The following NUCKS1 variants were observed in gnomAD, a reference collection of about 807,000 sequenced individuals.
NUCKS1 encodes the protein nuclear casein kinase and cyclin dependent kinase substrate 1, also known as nuclear ubiquitous casein and cyclin-dependent kinase substrate 1.
In NUCKS1, 2 loss-of-function variants were observed where a neutral mutation model predicts 33.0. That is an observed-to-expected ratio of 0.06 (90% CI 0.02 to 0.19). The LOEUF (loss-of-function observed/expected upper bound fraction) is 0.19, where lower values mean the gene tolerates loss of function less well. NUCKS1 is among the 10% of genes least tolerant of loss of function. The pLI, the probability that NUCKS1 is intolerant of heterozygous loss-of-function variation, is 1.00. For missense variants in NUCKS1, 201 were observed against 293.6 expected, an observed-to-expected ratio of 0.68 and a Z score of 2.31; for synonymous variants, 106 against 102.8, an observed-to-expected ratio of 1.03 and a Z score of -0.19.
rs746939778 is a variant in NUCKS1, at chr1:205,750,051, C to A, written c.-78G>T. 1.7e-5 allele frequency: 22 copies of A among 1,264,634 alleles called. No individual in the cohort carries two copies. The highest frequency in any genetic ancestry group is 3.2e-5 in the African/African-American group (2 of 62,536). The allele number at this position is 1,264,634 out of a possible 1,614,324, so 78.3% of individuals were successfully genotyped here. On this transcript the variant is annotated 5_prime_UTR_variant, in exon 1 of 7. Transcript: ENST00000367142. ...CACCCCGCGCGCTCGGCGCCCCACC[C>A]CCCCCGAACTTCAGCCGATGGGACC...
chr1:205,729,063 A>C (rs1653847129), intron 2 of NUCKS1, among the ~76,000 whole-genome samples: 1 of 151,876 alleles, frequency 6.6e-6, no homozygotes, highest in Non-Finnish European at 1.5e-5. Context: ...CCGCCTCCCG[A>C]GTTCAAGCGA....
Position 205,727,691 on chromosome 1 carries a change from G to C in NUCKS1, c.173+9C>G. 1 of 1,563,904 alleles carries C rather than the reference G, an allele frequency of 6.4e-7. No individual in the cohort carries two copies. The highest frequency in any genetic ancestry group is 8.8e-7 in the Non-Finnish European group (1 of 1,134,470). On this transcript the variant is annotated intron_variant, in intron 3 of 6. Coordinates refer to ENST00000367142, the MANE Select transcript of NUCKS1 (RefSeq NM_022731.5). The stretch of plus-strand genomic sequence containing the variant: ...GTGTAAGCAGGAACAGAAAAACAAT[G>C]CCTCTTACCTATCTTCCTGTGAATT...
Position 205,717,559 on chromosome 1 carries a change from C to A in NUCKS1, c.*721G>T. 2.0e-6 allele frequency: 2 copies of A among 983,944 alleles called. No individual in the cohort carries two copies. The highest frequency in any genetic ancestry group is 2.4e-6 in the Non-Finnish European group (2 of 829,892). 61.0% of individuals were successfully genotyped at this position (983,944 alleles called of 1,614,324 possible). A position where few individuals can be genotyped will look rare whatever the true frequency, so the allele number is the denominator to read the frequency against. On this transcript the variant is annotated 3_prime_UTR_variant, in exon 7 of 7. Transcript: ENST00000367142. ...GATAAAAGGATCACTGGCTCCGAGT[C>A]TCTTTGAGATAACAAGTGATGAAAT...
intron 1 of NUCKS1, among the ~76,000 whole-genome samples, chr1:205,735,313 T>C (rs772041429): frequency 1.3e-5 from 2 of 152,238 alleles, no homozygotes; most frequent in African/African-American, 2.4e-5. Flanking sequence ...TAACATGCTA[T>C]ACATGTTTGT....
chr1:205,730,725 C>T (rs762351464), intron 1 of NUCKS1, among the ~76,000 whole-genome samples: 87 of 151,416 alleles, frequency 5.7e-4, no homozygotes, highest in Non-Finnish European at 8.9e-4. Context: ...TCTCGTGATC[C>T]GCCCGTCTTG....
chr1:205,747,370 G>A (rs1654358308), intron 1 of NUCKS1, among the ~76,000 whole-genome samples: 1 of 152,264 alleles, frequency 6.6e-6, no homozygotes, highest in Non-Finnish European at 1.5e-5. Flanking sequence ...AAATATTTGA[G>A]CTCTCATTTA....
chr1:205,718,000 G>A lies in NUCKS1; in HGVS notation c.*280C>T. The A allele has an allele frequency of 4.7e-6, 5 of 1,073,730 alleles. No individual in the cohort carries two copies. The highest frequency in any genetic ancestry group is 5.6e-6 in the Non-Finnish European group (5 of 889,684). 66.5% of individuals were successfully genotyped at this position (1,073,730 alleles called of 1,614,324 possible). A position where few individuals can be genotyped will look rare whatever the true frequency, so the allele number is the denominator to read the frequency against. Reference sequence around the variant, plus strand: ...TCAATCCAGTGATTAATTTGACATGGCTTTCATTGGGAAAGGGGAGGGCTG... The same window carrying A: ...TCAATCCAGTGATTAATTTGACATGACTTTCATTGGGAAAGGGGAGGGCTG... On this transcript the variant is annotated 3_prime_UTR_variant, in exon 7 of 7. Transcript: ENST00000367142.
At chr1:205,727,326 G>C (rs1359622115) in intron 3 of NUCKS1, among the ~76,000 whole-genome samples, 1 of 151,944 alleles carries the variant, frequency 6.6e-6, no homozygotes, top group East Asian at 1.9e-4. Context: ...TAAAACTAAG[G>C]GAAAAGAAAC....
At chr1:205,732,458 T>C (rs1230690163) in intron 1 of NUCKS1, among the ~76,000 whole-genome samples, 1 of 152,104 alleles carries the variant, frequency 6.6e-6, no homozygotes, top group East Asian at 1.9e-4. Context: ...CAATGTCAAG[T>C]ACTTAACAAT....
chr1:205,724,789 T>C (rs1312779159), intron 3 of NUCKS1, among the ~76,000 whole-genome samples: 1 of 152,114 alleles, frequency 6.6e-6, no homozygotes, highest in Non-Finnish European at 1.5e-5. Flanking sequence ...AATAAATTGA[T>C]TGAATTATCC....
intron 3 of NUCKS1, 175 bp from the exon 4 acceptor site, chr1:205,724,156 A>C: frequency 3.1e-6 from 2 of 647,128 alleles, no homozygotes; most frequent in South Asian, 3.4e-5. Flanking sequence ...CTGGTGAATA[A>C]GCACAATTTT....
At chr1:205,735,255 T>C (rs1258460642) in intron 1 of NUCKS1, among the ~76,000 whole-genome samples, 1 of 152,242 alleles carries the variant, frequency 6.6e-6, no homozygotes, top group Non-Finnish European at 1.5e-5. Flanking sequence ...TGTTTAGATA[T>C]ATAAATACCT....
chr1:205,739,700 C>T (rs1654117583), intron 1 of NUCKS1, among the ~76,000 whole-genome samples: 2 of 152,202 alleles, frequency 1.3e-5, no homozygotes, highest in Admixed American at 6.5e-5. Context: ...AAGCAATCTT[C>T]TGCCTCAGCC....
chr1:205,745,028 G>C (rs1654282507), intron 1 of NUCKS1, among the ~76,000 whole-genome samples: 1 of 152,096 alleles, frequency 6.6e-6, no homozygotes, highest in African/African-American at 2.4e-5. Context: ...TACCTTTTGG[G>C]AATTCCACAT....
Position 205,719,686 on chromosome 1 carries a change from A to G in NUCKS1, c.383-10T>C. On this transcript the variant is annotated splice_polypyrimidine_tract_variant and intron_variant, in intron 5 of 6. Coordinates refer to ENST00000367142, the MANE Select transcript of NUCKS1 (RefSeq NM_022731.5). ...TCGCTGCCGGAATCTTCTGAGAAGAAAGAAGAATTTCAACATCTAACTTAA... is the reference window on the plus strand; with the variant it reads ...TCGCTGCCGGAATCTTCTGAGAAGAGAGAAGAATTTCAACATCTAACTTAA... The G allele has an allele frequency of 6.2e-7, 1 of 1,603,440 alleles. No homozygotes were observed. The highest frequency in any genetic ancestry group is 8.5e-7 in the Non-Finnish European group (1 of 1,177,240).
In NUCKS1 at chr1:205,743,116, A is replaced by G. The variant is rs150672232; in HGVS notation, c.17+6841T>C. Among the ~76,000 whole-genome samples the G allele has an allele frequency of 4.6e-4, 70 of 152,356 alleles. No individual in the cohort carries two copies. In the East Asian group the frequency reaches 0.012, roughly 26 times the overall value. ...CTCTAGAGGGACAACCTTCATGTAG[A>G]ATGCGTAGGCGCAGTATCCCAGCGT... On this transcript the variant is annotated intron_variant, in intron 1 of 6. Coordinates refer to ENST00000367142, the MANE Select transcript of NUCKS1 (RefSeq NM_022731.5).
intron 1 of NUCKS1, among the ~76,000 whole-genome samples, chr1:205,736,938 C>T (rs910203750): frequency 6.6e-6 from 1 of 151,866 alleles, no homozygotes; most frequent in African/African-American, 2.4e-5. Flanking sequence ...CTGGGATTAG[C>T]ATGGTCTAAA....
intron 2 of NUCKS1, among the ~76,000 whole-genome samples, chr1:205,729,262 A>C (rs149020683): frequency 0.021 from 3,120 of 152,180 alleles, 44 homozygotes; most frequent in African/African-American, 0.028. Flanking sequence ...AGCCATGGCG[A>C]CTGGCTGACA....
intron 3 of NUCKS1, among the ~76,000 whole-genome samples, chr1:205,725,061 A>T (rs1653702556): frequency 6.6e-6 from 1 of 152,134 alleles, no homozygotes; most frequent in African/African-American, 2.4e-5. Context: ...ATATTTTTAA[A>T]AATAGAGATG....
Sources: gnomAD v4.1 joint callset for allele counts (sites outside exome capture counted in the v4.1 genomes callset) on GRCh38, gnomAD v4.1.1 for gene constraint, MANE v1.5 for transcripts, NCBI Gene and HGNC (gene_info 2026-07-23, HGNC 2026-07-21) for gene names.